Variants in DGKD observed in about 807,000 individuals in gnomAD.
The protein encoded by DGKD is DAG kinase delta.
Under a neutral mutation model 154.4 loss-of-function variants are expected in DGKD, and 68 were observed. The ratio of observed to expected loss-of-function variants is 0.44; its 90% CI spans 0.36 to 0.54. The LOEUF is 0.54. DGKD is among the 20% of genes least tolerant of loss of function. The pLI, the probability that DGKD is intolerant of heterozygous loss-of-function variation, is 0.00. For synonymous variants in DGKD, 693 were observed against 638.0 expected (o/e 1.09, Z -1.30); for missense variants, 1,343 against 1,593.6 (o/e 0.84, Z 2.68).
At chr2:233,362,671 A>G (rs1262877615) in intron 1 of DGKD, among the ~76,000 whole-genome samples, 1 of 152,206 alleles carries the variant, frequency 6.6e-6, no homozygotes, top group East Asian at 1.9e-4. Context: ...AAAAAGAAAG[A>G]AAAGTAATAC....
Position 233,457,079 on chromosome 2 carries a change from T to C in DGKD, c.2472+84T>C. The C allele has an allele frequency of 1.5e-6, 2 of 1,365,858 alleles. No individual in the cohort carries two copies. Among genetic ancestry groups the C allele is most frequent in the Non-Finnish European group, 2.1e-6 (2 of 956,372 alleles). The allele number at this position is 1,365,858 out of a possible 1,614,324, so 84.6% of individuals were successfully genotyped here. On this transcript the variant is annotated intron_variant, in intron 20 of 29. Coordinates refer to ENST00000264057, the MANE Select transcript of DGKD (RefSeq NM_152879.3). This position sits in a 1 kb window ranked among gnomAD's most constrained non-coding sequence, Gnocchi z 5.5. ...GGCCTATTGCTTCTCCTGTTGACCA[T>C]TTCCTCCATGCACAGGGACTTGCCT...
rs1410090715 is a variant in DGKD at position 233,438,002 on chromosome 2, C to A, written c.923-215C>A. On this transcript the variant is annotated intron_variant, in intron 8 of 29. Coordinates refer to ENST00000264057, the MANE Select transcript of DGKD (RefSeq NM_152879.3). The surrounding 1 kb of genome is among the most constrained non-coding windows in gnomAD (Gnocchi z 4.1). The stretch of plus-strand genomic sequence containing the variant: ...AGACAGCAGAAAGGTGGCATTTGGA[C>A]AGCTTGTGAATGTGGAGGTCAGATG... 6.6e-6 allele frequency among the ~76,000 whole-genome samples: 1 copy of A among 152,164 alleles called. No homozygotes were observed. The highest frequency in any genetic ancestry group is 1.5e-5 in the Non-Finnish European group (1 of 68,018).
intron 12 of DGKD, chr2:233,447,807 T>C: frequency 8.1e-7 from 1 of 1,242,044 alleles, no homozygotes; most frequent in Non-Finnish European, 1.0e-6. Flanking sequence ...GGACGGAAGC[T>C]CCTAGCACAG....
chr2:233,447,869 C>T, intron 12 of DGKD: 1 of 1,385,036 alleles, frequency 7.2e-7, no homozygotes, highest in Non-Finnish European at 9.3e-7. Context: ...TTGCCTGCAG[C>T]TTGACGAAGC....
intron 3 of DGKD, among the ~76,000 whole-genome samples, chr2:233,392,884 A>C (rs554443694): frequency 2.6e-5 from 4 of 152,102 alleles, no homozygotes; most frequent in Non-Finnish European, 2.9e-5. Flanking sequence ...CTCTGGTTGA[A>C]TCTCCTTTGC....
At chr2:233,409,511 T>C (rs1460192031) in intron 3 of DGKD, among the ~76,000 whole-genome samples, 1 of 152,120 alleles carries the variant, frequency 6.6e-6, no homozygotes, top group Non-Finnish European at 1.5e-5. Context: ...TGTCTGGTTT[T>C]TTTTTTTCCT....
chr2:233,368,699 C>T (rs1702164107), intron 1 of DGKD, among the ~76,000 whole-genome samples: 1 of 152,144 alleles, frequency 6.6e-6, no homozygotes, highest in Non-Finnish European at 1.5e-5. Flanking sequence ...CCACACCCAC[C>T]CTGAGTATCA....
Position 233,451,969 on chromosome 2 carries a change from C to T in DGKD, c.2173C>T (p.Arg725Trp), listed in dbSNP as rs373455625. Reference sequence around the variant, plus strand: ...TTCTTGTATCTCCTTTACAGATGTCCGGGCTGGAATGTCTGGTTCCTTACC... The same window carrying T: ...TTCTTGTATCTCCTTTACAGATGTCTGGGCTGGAATGTCTGGTTCCTTACC... The part of the protein sequence containing the change: ...LNTKILYPNV[R>W]AGMSGSLPGG... Residue 725 changes from arginine (R) to tryptophan (W), a missense_variant, in exon 18 of 30, where the codon CGG becomes TGG. Transcript: ENST00000264057. 44 of 1,613,730 alleles carry T rather than the reference C, an allele frequency of 2.7e-5. No homozygotes were observed. Among genetic ancestry groups the T allele is most frequent in the Non-Finnish European group, 3.5e-5 (41 of 1,179,820 alleles).
intron 1 of DGKD, among the ~76,000 whole-genome samples, chr2:233,367,924 T>G (rs1015628916): frequency 1.4e-5 from 2 of 146,580 alleles, no homozygotes; most frequent in Admixed American, 1.4e-4. Context: ...ACTCCTGACC[T>G]AAAGTGATCC....
intron 3 of DGKD, among the ~76,000 whole-genome samples, chr2:233,401,919 CAAAAAAAAAAAA>C (rs34388122): frequency 3.1e-4 from 17 of 54,800 alleles, no homozygotes; most frequent in African/African-American, 1.2e-3. Flanking sequence ...GACTCTGTCT[CAAAAAAAAAAAA>C]AAAAAAAAAA....
chr2:233,443,121 A>G (rs2062954151), intron 10 of DGKD, among the ~76,000 whole-genome samples: 1 of 152,174 alleles, frequency 6.6e-6, no homozygotes, highest in Admixed American at 6.5e-5. Flanking sequence ...GCCTTTCCTC[A>G]GGGCTGTGCC....
chr2:233,393,685 T>G (rs1293400484), intron 3 of DGKD, among the ~76,000 whole-genome samples: 4 of 130,698 alleles, frequency 3.1e-5, no homozygotes, highest in Admixed American at 1.5e-4. Context: ...GTGTATTGGT[T>G]TTTTTTTTTT....
At chr2:233,363,789 GT>G (rs1244059903) in intron 1 of DGKD, among the ~76,000 whole-genome samples, 2 of 152,216 alleles carry the variant, frequency 1.3e-5, no homozygotes, top group African/African-American at 4.8e-5. Flanking sequence ...TTGAGTTATA[GT>G]TGCCTACAGT....
intron 17 of DGKD, among the ~76,000 whole-genome samples, chr2:233,451,536 A>G (rs1204852711): frequency 6.6e-6 from 1 of 151,508 alleles, no homozygotes; most frequent in South Asian, 2.1e-4. Flanking sequence ...AGTGGCTTAC[A>G]TTTAATGAGA....
Position 233,462,402 on chromosome 2 carries a change from C to A in DGKD, c.3036C>A (p.Ala1012=), listed in dbSNP as rs113769765. ...HRDMEQELAH[A]VNASSKSMDR... is the part of the protein sequence containing the mutation. ...ACATGGAGCAGGAACTGGCCCACGCCGTCAATGCCAGCTCCAAGTCCATGG... is the reference window on the plus strand; with the variant it reads ...ACATGGAGCAGGAACTGGCCCACGCAGTCAATGCCAGCTCCAAGTCCATGG... The change falls in exon 25 of 30, where the codon GCC becomes GCA. Residue 1012 remains alanine, a synonymous_variant. Coordinates refer to ENST00000264057, the MANE Select transcript of DGKD (RefSeq NM_152879.3). 6.2e-7 allele frequency: 1 copy of A among 1,604,568 alleles called. No homozygotes were observed. The highest frequency in any genetic ancestry group is 1.7e-5 in the Admixed American group (1 of 59,882).
chr2:233,420,708 T>A (rs989333618), intron 3 of DGKD, among the ~76,000 whole-genome samples: 2 of 152,238 alleles, frequency 1.3e-5, no homozygotes, highest in Non-Finnish European at 2.9e-5. Flanking sequence ...TGATTCCTGA[T>A]TCCTGGAGTT....
chr2:233,418,479 C>A (rs2062018348), intron 3 of DGKD, among the ~76,000 whole-genome samples: 1 of 152,192 alleles, frequency 6.6e-6, no homozygotes, highest in South Asian at 2.1e-4. Flanking sequence ...TGTCACGTTT[C>A]ATTTTTAAGT....
chr2:233,464,371 C>T, intron 27 of DGKD, 88 bp downstream of exon 27: 1 of 1,545,058 alleles, frequency 6.5e-7, no homozygotes. Context: ...CCGTGTGGCT[C>T]TGGGATCAAG....
rs1010700864 is a variant in DGKD at position 233,440,228 on chromosome 2, T to A, written c.1086-1659T>A. Among the ~76,000 whole-genome samples the A allele has an allele frequency of 3.3e-5, 5 of 152,216 alleles. No individual in the cohort carries two copies. The highest frequency in any genetic ancestry group is 1.3e-4 in the Admixed American group (2 of 15,290). On this transcript the variant is annotated intron_variant, in intron 9 of 29. Transcript: ENST00000264057. The surrounding 1 kb of genome is among the most constrained non-coding windows in gnomAD (Gnocchi z 4.9). ...AGCAGAATCTGGAGCTACTGCTTCA[T>A]GTTCCAGTTCCTGGCCTTGACCTGT...
Sources: allele counts gnomAD v4.1 joint callset (sites outside exome capture counted in the v4.1 genomes callset), GRCh38; gene constraint gnomAD v4.1.1; non-coding constraint Gnocchi (gnomAD v3.1); transcripts MANE v1.5; gene names NCBI Gene and HGNC (gene_info 2026-07-23, HGNC 2026-07-21).